MYO6: variants seen among roughly 807,000 people sequenced by gnomAD.
MYO6 encodes the protein myosin VI.
In MYO6, 74 loss-of-function variants were observed where a neutral mutation model predicts 178.7. The ratio of observed to expected loss-of-function variants is 0.41; its 90% CI spans 0.34 to 0.50. MYO6 has a LOEUF of 0.50. Ranked by LOEUF, MYO6 falls within the 20% of genes least tolerant of loss-of-function variation. MYO6 has a pLI of 0.09. For synonymous variants in MYO6, 477 were observed against 504.6 expected, an observed-to-expected ratio of 0.95 and a Z score of 0.73; for missense variants, 1,330 against 1,547.4, an observed-to-expected ratio of 0.86 and a Z score of 2.36.
At chr6:75,885,893 C>T (rs1014318716) in intron 23 of MYO6, 111 bp from the exon 24 acceptor site, 3 of 697,880 alleles carry the variant, frequency 4.3e-6, no homozygotes, top group Admixed American at 2.7e-5. Flanking sequence ...ATAATATGGT[C>T]GTCAAGATTT....
chr6:75,790,412 C>G (rs2150083468), intron 1 of MYO6, among the ~76,000 whole-genome samples: 1 of 147,408 alleles, frequency 6.8e-6, no homozygotes, highest in Admixed American at 6.8e-5. Flanking sequence ...GAGTCTTGCT[C>G]TGTCACCCAG....
At chr6:75,853,866 A>G (rs1394758683) in intron 11 of MYO6, among the ~76,000 whole-genome samples, 1 of 152,210 alleles carries the variant, frequency 6.6e-6, no homozygotes, top group Non-Finnish European at 1.5e-5. Flanking sequence ...TCTCTGTACC[A>G]GACACTATTC....
intron 34 of MYO6, 70 bp from the exon 35 acceptor site, chr6:75,914,743 C>T (rs1332196807): frequency 7.1e-7 from 1 of 1,408,292 alleles, no homozygotes; most frequent in Non-Finnish European, 1.0e-6. Context: ...ATAGGTATTT[C>T]AGGCATACAA....
At chr6:75,845,255 GAAT>G (rs1215123967) in intron 10 of MYO6, among the ~76,000 whole-genome samples, 2 of 152,162 alleles carry the variant, frequency 1.3e-5, no homozygotes, top group African/African-American at 4.8e-5. Flanking sequence ...AATTGCCTAA[GAAT>G]CATTCTCTTC....
Position 75,917,669 on chromosome 6 carries a change from C to T in MYO6, c.*2657C>T, listed in dbSNP as rs1056823546. The T allele has an allele frequency of 9.2e-5, 14 of 152,462 alleles. No individual in the cohort carries two copies. The highest frequency in any genetic ancestry group is 3.4e-4 in the African/African-American group (14 of 41,446). 9.4% of individuals were successfully genotyped at this position (152,462 alleles called of 1,614,324 possible). ...GCTTCTGTAATGACTTTTCATAGGT[C>T]ATTCTTGTGAACCATTTTGTTTTGC... On this transcript the variant is annotated 3_prime_UTR_variant, in exon 35 of 35. Transcript: ENST00000369977.
At position 75,848,201 on chromosome 6, in the gene MYO6, T is replaced by C. The variant is rs902470825; in HGVS notation, c.898-150T>C. 23 of 710,282 alleles carry C rather than the reference T, an allele frequency of 3.2e-5. No homozygotes were observed. In the Admixed American group the frequency reaches 5.1e-4, roughly 16 times the overall value. 44.0% of individuals were successfully genotyped at this position (710,282 alleles called of 1,614,324 possible). A position where few individuals can be genotyped will look rare whatever the true frequency, so the allele number is the denominator to read the frequency against. On this transcript the variant is annotated intron_variant, in intron 10 of 34. Coordinates refer to ENST00000369977, the MANE Select transcript of MYO6 (RefSeq NM_004999.4). ...TCCTGTGTATACTTTTCATGGTCAT[T>C]TAGTTTTTGAATGTTAGAATAGTAA...
intron 1 of MYO6, among the ~76,000 whole-genome samples, chr6:75,809,989 C>T (rs2150143594): frequency 6.8e-6 from 1 of 147,118 alleles, no homozygotes; most frequent in East Asian, 2.0e-4. Context: ...GAGGCTGAGG[C>T]AGGAGAATTG....
At chr6:75,867,398 T>A (rs1776786273) in intron 18 of MYO6, 1 of 278,680 alleles carries the variant, frequency 3.6e-6, no homozygotes, top group Non-Finnish European at 6.8e-6. Flanking sequence ...ACCTTCTCTT[T>A]CCCATGTGTT....
At chr6:75,910,599 C>T (rs1438159562) in intron 32 of MYO6, among the ~76,000 whole-genome samples, 2 of 152,148 alleles carry the variant, frequency 1.3e-5, no homozygotes, top group Non-Finnish European at 2.9e-5. Context: ...GTGAACACAA[C>T]CCCACACATA....
At chr6:75,763,684 A>G (rs768802919) in intron 1 of MYO6, among the ~76,000 whole-genome samples, 5 of 152,194 alleles carry the variant, frequency 3.3e-5, no homozygotes, top group Non-Finnish European at 7.3e-5. Context: ...GAGGTTCAAT[A>G]TGTAACACAA....
At chr6:75,862,112 A>G (rs1776257604) in intron 15 of MYO6, among the ~76,000 whole-genome samples, 1 of 152,196 alleles carries the variant, frequency 6.6e-6, no homozygotes, top group African/African-American at 2.4e-5. Flanking sequence ...TTTACATTTT[A>G]TAGTTAGTTT....
At chr6:75,761,200 T>C (rs1777914517) in intron 1 of MYO6, among the ~76,000 whole-genome samples, 1 of 152,202 alleles carries the variant, frequency 6.6e-6, no homozygotes, top group East Asian at 1.9e-4. Flanking sequence ...GTGGCTTGTA[T>C]TGGCCACTGA....
chr6:75,830,646 A>T, intron 5 of MYO6, 101 bp downstream of exon 5: 1 of 1,202,270 alleles, frequency 8.3e-7, no homozygotes, highest in Middle Eastern at 2.7e-4. Context: ...TAAATTGAAT[A>T]TATATTTTGG....
intron 29 of MYO6, among the ~76,000 whole-genome samples, chr6:75,896,990 G>A (rs935885924): frequency 6.6e-6 from 1 of 152,202 alleles, no homozygotes; most frequent in Non-Finnish European, 1.5e-5. Flanking sequence ...TATTGGTCTA[G>A]GTCAGGTGTA....
intron 1 of MYO6, among the ~76,000 whole-genome samples, chr6:75,781,027 G>T (rs1047951800): frequency 6.6e-6 from 1 of 151,952 alleles, no homozygotes; most frequent in South Asian, 2.1e-4. Context: ...TGGCCAGGTC[G>T]GTCTCAAACT....
chr6:75,781,534 A>T (rs1175308252), intron 1 of MYO6, among the ~76,000 whole-genome samples: 1 of 152,114 alleles, frequency 6.6e-6, no homozygotes, highest in Non-Finnish European at 1.5e-5. Flanking sequence ...TGACACGTTG[A>T]TCTCTGCTGG....
At chr6:75,879,262 T>G (rs1455373865) in intron 20 of MYO6, among the ~76,000 whole-genome samples, 1 of 152,166 alleles carries the variant, frequency 6.6e-6, no homozygotes, top group East Asian at 1.9e-4. Context: ...TTGTTTTGTT[T>G]TGATACAGTG....
At chr6:75,841,174 T>C (rs1190468442) in intron 8 of MYO6, 40 bp from the exon 9 acceptor site, 2 of 1,580,878 alleles carry the variant, frequency 1.3e-6, no homozygotes, top group Admixed American at 1.7e-5. Flanking sequence ...TTTAAGACTT[T>C]AAATGCAAAA....
At chr6:75,838,397 G>T in intron 7 of MYO6, among the ~76,000 whole-genome samples, 1 of 152,008 alleles carries the variant, frequency 6.6e-6, no homozygotes, top group East Asian at 1.9e-4. Context: ...TAACTAGAAG[G>T]GTATAGCGTC....
Sources: allele counts gnomAD v4.1 joint callset (sites outside exome capture counted in the v4.1 genomes callset), GRCh38; gene constraint gnomAD v4.1.1; transcripts MANE v1.5; gene names NCBI Gene and HGNC (gene_info 2026-07-23, HGNC 2026-07-21).